The following ZFP90 variants were observed in gnomAD, a reference collection of about 807,000 sequenced individuals.
The protein encoded by ZFP90 is ZFP90 zinc finger protein.
In ZFP90, 38 loss-of-function variants were observed where a neutral mutation model predicts 60.8. That is an observed-to-expected ratio of 0.62 (90% CI 0.48 to 0.82). The LOEUF (loss-of-function observed/expected upper bound fraction) is 0.82. Among genes scored for constraint, ZFP90 ranks in the 40% least tolerant of loss-of-function variants. The pLI is 0.00. For missense variants in ZFP90, 711 were observed against 759.1 expected (o/e 0.94, Z 0.74); for synonymous variants, 287 against 264.8 (o/e 1.08, Z -0.82).
In ZFP90 at chr16:68,564,552, G is replaced by A; in HGVS notation, c.1765G>A (p.Ala589Thr). ...KPYECNECGRAFRKKTNLHDH... is the reference protein window; with the variant it reads ...KPYECNECGRTFRKKTNLHDH... ...CTATGAATGTAATGAATGTGGGAGAGCCTTCCGAAAAAAAACCAACCTGCA... is the reference window on the plus strand; with the variant it reads ...CTATGAATGTAATGAATGTGGGAGAACCTTCCGAAAAAAAACCAACCTGCA... Residue 589 changes from alanine to threonine, a missense_variant, in exon 5 of 5, where the codon GCC becomes ACC. Physicochemically the swap from Ala to Thr is moderately conservative, Grantham distance 58 (BLOSUM62 0). Coordinates refer to ENST00000563169, the MANE Select transcript of ZFP90 (RefSeq NM_001305203.2). 1.2e-6 allele frequency: 2 copies of A among 1,613,832 alleles called. No individual in the cohort carries two copies. Among genetic ancestry groups the A allele is most frequent in the Middle Eastern group, 1.7e-4 (1 of 6,054 alleles).
intron 2 of ZFP90, among the ~76,000 whole-genome samples, chr16:68,542,196 G>A (rs1477740873): frequency 6.6e-6 from 1 of 152,202 alleles, no homozygotes; most frequent in African/African-American, 2.4e-5. Context: ...GAGAGCTGGT[G>A]TCAAGTGTTG....
chr16:68,571,520 G>T (rs551942403), downstream of ZFP90, among the ~76,000 whole-genome samples: 1 of 152,188 alleles, frequency 6.6e-6, no homozygotes, highest in South Asian at 2.1e-4. Context: ...CACCTGCTTG[G>T]TTTCCCTCAG....
chr16:68,549,813 G>A (rs1046888082), intron 2 of ZFP90, among the ~76,000 whole-genome samples: 2 of 152,094 alleles, frequency 1.3e-5, no homozygotes, highest in Non-Finnish European at 2.9e-5. Flanking sequence ...AGGAGGGAAT[G>A]GAACAGTGAA....
At chr16:68,543,837 G>A (rs1000244230) in intron 2 of ZFP90, among the ~76,000 whole-genome samples, 18 of 150,780 alleles carry the variant, frequency 1.2e-4, no homozygotes, top group East Asian at 2.0e-4. Context: ...GGGATTATAG[G>A]CGTGAGCCAC....
At chr16:68,543,228 C>A (rs1447480561) in intron 2 of ZFP90, among the ~76,000 whole-genome samples, 1 of 152,052 alleles carries the variant, frequency 6.6e-6, no homozygotes, top group East Asian at 1.9e-4. Context: ...AGCAAAGAGG[C>A]CAGTGTAGCT....
intron 2 of ZFP90, among the ~76,000 whole-genome samples, chr16:68,548,474 CTT>C (rs551779570): frequency 3.1e-4 from 25 of 81,082 alleles, no homozygotes; most frequent in East Asian, 1.3e-3. Flanking sequence ...GTTTATCCTC[CTT>C]TTTTTTTTTT....
chr16:68,567,492 C>T (rs997492230), downstream of ZFP90, among the ~76,000 whole-genome samples: 1 of 152,110 alleles, frequency 6.6e-6, no homozygotes, highest in Admixed American at 6.5e-5. Flanking sequence ...GAGTCCTTTG[C>T]CAGAATTTTT....
chr16:68,560,050 T>A (rs2091413778), intron 4 of ZFP90, among the ~76,000 whole-genome samples: 1 of 152,226 alleles, frequency 6.6e-6, no homozygotes, highest in African/African-American at 2.4e-5. Context: ...TAGATTGCTA[T>A]AATTTCCAGT....
At chr16:68,544,950 G>C (rs1297689577) in intron 2 of ZFP90, among the ~76,000 whole-genome samples, 1 of 138,250 alleles carries the variant, frequency 7.2e-6, no homozygotes, top group Non-Finnish European at 1.5e-5. Flanking sequence ...CGTGATTTCG[G>C]CTCACTACAA....
At chr16:68,571,717 C>G (rs1192259051), downstream of ZFP90, among the ~76,000 whole-genome samples, 1 of 152,130 alleles carries the variant, frequency 6.6e-6, no homozygotes, top group Non-Finnish European at 1.5e-5. Context: ...TCACTTGAGG[C>G]CAGGAGTCGA....
chr16:68,540,127 C>G (rs545932059), intron 2 of ZFP90, among the ~76,000 whole-genome samples: 1 of 151,984 alleles, frequency 6.6e-6, no homozygotes, highest in Non-Finnish European at 1.5e-5. Flanking sequence ...GAACTCTTGT[C>G]AATAAGAAAT....
chr16:68,562,957 A>G (rs766051325), intron 4 of ZFP90, 87 bp from the exon 5 acceptor site: 10 of 1,569,834 alleles, frequency 6.4e-6, no homozygotes, highest in Non-Finnish European at 8.6e-6. Flanking sequence ...AGTCATATGT[A>G]ACTTATATGT....
intron 2 of ZFP90, chr16:68,574,213 G>C: frequency 9.0e-6 from 1 of 111,468 alleles, no homozygotes; most frequent in Non-Finnish European, 1.7e-5. Flanking sequence ...AGGTCAATGT[G>C]TCTCCTTTTT....
upstream of ZFP90, among the ~76,000 whole-genome samples, chr16:68,535,939 G>A (rs567630724): frequency 7.9e-5 from 12 of 152,278 alleles, no homozygotes; most frequent in African/African-American, 2.9e-4. Flanking sequence ...TACCTGACTT[G>A]GAACACCCGG....
In ZFP90 at chr16:68,563,696, T is replaced by C. The variant is rs781208953; in HGVS notation, c.909T>C (p.Ala303=). ...HSSSLGQHEN[A]HTGEKPYQCS... is the part of the protein sequence containing the mutation. Reference sequence around the variant, plus strand: ...CATCTCTTGGTCAGCATGAGAATGCTCATACCGGAGAGAAACCCTATCAGT... The same window carrying C: ...CATCTCTTGGTCAGCATGAGAATGCCCATACCGGAGAGAAACCCTATCAGT... Residue 303 remains alanine, a synonymous_variant, in exon 5 of 5, where the codon GCT becomes GCC. Transcript: ENST00000563169. 1 of 1,614,170 alleles carries C rather than the reference T, an allele frequency of 6.2e-7. No homozygotes were observed. Among genetic ancestry groups the C allele is most frequent in the Non-Finnish European group, 8.5e-7 (1 of 1,180,020 alleles).
At chr16:68,558,707 T>C (rs953374147) in intron 4 of ZFP90, 139 bp downstream of exon 4, 5 of 680,210 alleles carry the variant, frequency 7.4e-6, no homozygotes, top group Non-Finnish European at 1.0e-5. Flanking sequence ...GCCGACACCT[T>C]GTAGGTCTCT....
intron 2 of ZFP90, among the ~76,000 whole-genome samples, chr16:68,556,569 C>T (rs532101518): frequency 5.9e-5 from 9 of 152,264 alleles, no homozygotes; most frequent in African/African-American, 2.2e-4. Flanking sequence ...CACTAGGTGC[C>T]GGGCGTTGTT....
Position 68,566,525 on chromosome 16 carries a change from G to A in ZFP90, c.*1827G>A. On this transcript the variant is annotated 3_prime_UTR_variant, in exon 5 of 5. Coordinates refer to ENST00000563169, the MANE Select transcript of ZFP90 (RefSeq NM_001305203.2). ...TTGCAGGGAAAAAATTGTGCATGGG[G>A]GCTGAAATGTAATATGTGTAGCTCA... The A allele has an allele frequency of 3.0e-6, 3 of 985,500 alleles. No homozygotes were observed. The highest frequency in any genetic ancestry group is 3.6e-6 in the Non-Finnish European group (3 of 829,940). The allele number at this position is 985,500 out of a possible 1,614,324, so 61.0% of individuals were successfully genotyped here.
chr16:68,568,631 A>C (rs2091551180), downstream of ZFP90, among the ~76,000 whole-genome samples: 1 of 152,208 alleles, frequency 6.6e-6, no homozygotes, highest in African/African-American at 2.4e-5. Flanking sequence ...AAAGAGTAAA[A>C]ATATGAACAC....
Sources: gnomAD v4.1 joint callset for allele counts (sites outside exome capture counted in the v4.1 genomes callset) on GRCh38, gnomAD v4.1.1 for gene constraint, MANE v1.5 for transcripts, NCBI Gene and HGNC (gene_info 2026-07-23, HGNC 2026-07-21) for gene names.